The following VWF variants were observed in gnomAD, a reference collection of about 807,000 sequenced individuals.
VWF encodes the protein von Willebrand factor.
Under a neutral mutation model 308.6 loss-of-function variants are expected in VWF, and 176 were observed. The observed-to-expected ratio is 0.57, with a 90% CI of 0.50 to 0.65. The LOEUF (loss-of-function observed/expected upper bound fraction) is 0.65. VWF is among the 30% of genes least tolerant of loss of function. The pLI is 0.00. For missense variants in VWF, 3,146 were observed against 3,648.2 expected, an observed-to-expected ratio of 0.86 and a Z score of 3.55; for synonymous variants, 1,385 against 1,443.4, an observed-to-expected ratio of 0.96 and a Z score of 0.92.
rs1346897793 is a variant in VWF at position 6,063,060 on chromosome 12, A to G, written c.1433-6T>C. ...ATGCTGGATGCGGAGGTCACCTGGAACCCAGCAGGACAGGACTCAGGCAGA... is the reference window on the plus strand; with the variant it reads ...ATGCTGGATGCGGAGGTCACCTGGAGCCCAGCAGGACAGGACTCAGGCAGA... On this transcript the variant is annotated splice_region_variant and splice_polypyrimidine_tract_variant and intron_variant, in intron 12 of 51. Transcript: ENST00000261405. This position sits in a 1 kb window ranked among gnomAD's most constrained non-coding sequence, Gnocchi z 4.9. 1.2e-6 allele frequency: 2 copies of G among 1,612,408 alleles called. No individual in the cohort carries two copies. Among genetic ancestry groups the G allele is most frequent in the African/African-American group, 2.7e-5 (2 of 75,000 alleles).
In VWF at chr12:6,067,149, G is replaced by A. The variant is rs146009639; in HGVS notation, c.1157-1876C>T. 5.9e-5 allele frequency among the ~76,000 whole-genome samples: 9 copies of A among 152,336 alleles called. No homozygotes were observed. The East Asian group carries it at 1.2e-3, about 20-fold the overall frequency. Reference sequence around the variant, plus strand: ...GAGCAGGCCACAAGATAGGGGCCAGGATCGTCCCAGCCCATTCTGGATGTG... The same window carrying A: ...GAGCAGGCCACAAGATAGGGGCCAGAATCGTCCCAGCCCATTCTGGATGTG... On this transcript the variant is annotated intron_variant, in intron 10 of 51. Coordinates refer to ENST00000261405, the MANE Select transcript of VWF (RefSeq NM_000552.5).
chr12:6,099,906 C>A (rs1310729899), intron 5 of VWF, among the ~76,000 whole-genome samples: 4 of 151,976 alleles, frequency 2.6e-5, no homozygotes, highest in Non-Finnish European at 5.9e-5. Flanking sequence ...TCTAATTAAA[C>A]TAAAGAGCTT....
At chr12:5,963,238 GTATC>G (rs1486570534) in intron 47 of VWF, among the ~76,000 whole-genome samples, 1 of 152,128 alleles carries the variant, frequency 6.6e-6, no homozygotes, top group African/African-American at 2.4e-5. Flanking sequence ...TAAAGGACTA[GTATC>G]CAAAATACAG....
chr12:6,073,524 A>G, intron 8 of VWF, 95 bp downstream of exon 8: 2 of 1,564,666 alleles, frequency 1.3e-6, no homozygotes, highest in African/African-American at 1.4e-5. Context: ...GATTTCAGCA[A>G]CGGGGAGCAA....
At chr12:5,964,477 G>A (rs891646781) in intron 47 of VWF, among the ~76,000 whole-genome samples, 2 of 152,276 alleles carry the variant, frequency 1.3e-5, no homozygotes, top group South Asian at 2.1e-4. Context: ...TTAGCTTTGT[G>A]AGAAACCAAC....
chr12:5,970,398 G>A (rs751969649), intron 44 of VWF, among the ~76,000 whole-genome samples: 5 of 152,162 alleles, frequency 3.3e-5, no homozygotes, highest in Non-Finnish European at 7.3e-5. Context: ...GCAGGGTGGG[G>A]TAGGCCTTGA....
intron 6 of VWF, among the ~76,000 whole-genome samples, chr12:6,078,730 G>C (rs532336180): frequency 6.6e-6 from 1 of 152,242 alleles, no homozygotes. Context: ...GCAGGACACA[G>C]TACCAGCCAA....
chr12:6,054,919 C>T (rs1944559637), intron 15 of VWF, among the ~76,000 whole-genome samples: 1 of 152,180 alleles, frequency 6.6e-6, no homozygotes, highest in South Asian at 2.1e-4. Flanking sequence ...GGCAAGAACC[C>T]AGGAGACTTA....
chr12:6,007,018 T>C (rs1943936552), intron 34 of VWF, among the ~76,000 whole-genome samples: 1 of 152,172 alleles, frequency 6.6e-6, no homozygotes, highest in African/African-American at 2.4e-5. Context: ...TAGTGATAAA[T>C]GCATCAATTC....
At chr12:5,957,213 T>C (rs1484513574) in intron 47 of VWF, among the ~76,000 whole-genome samples, 1 of 152,180 alleles carries the variant, frequency 6.6e-6, no homozygotes, top group Non-Finnish European at 1.5e-5. Context: ...ACCATCTGGA[T>C]TTGCGTATGT....
chr12:5,983,588 G>C, intron 40 of VWF, among the ~76,000 whole-genome samples: 1 of 149,568 alleles, frequency 6.7e-6, no homozygotes, highest in East Asian at 2.1e-4. Context: ...CTTAGAGAGA[G>C]ATAGGATAGA....
Position 6,121,351 on chromosome 12 carries a change from G to A in VWF, c.56-13C>T. 6.2e-7 allele frequency: 1 copy of A among 1,613,424 alleles called. No homozygotes were observed. The highest frequency in any genetic ancestry group is 1.1e-5 in the South Asian group (1 of 90,894). ...GCACAAAGGGTCCCTGGAGGGAGAG[G>A]CCACAGGTTGGGCTGGTGATCTCAG... On this transcript the variant is annotated splice_polypyrimidine_tract_variant and intron_variant, in intron 2 of 51. Coordinates refer to ENST00000261405, the MANE Select transcript of VWF (RefSeq NM_000552.5).
chr12:6,120,435 T>G (rs1474440156), intron 3 of VWF, among the ~76,000 whole-genome samples: 1 of 151,988 alleles, frequency 6.6e-6, no homozygotes, highest in African/African-American at 2.4e-5. Flanking sequence ...CCCAAGTAGC[T>G]GGGATTATAG....
intron 5 of VWF, among the ~76,000 whole-genome samples, chr12:6,096,933 A>G (rs972165289): frequency 3.3e-5 from 5 of 152,232 alleles, no homozygotes; most frequent in Non-Finnish European, 7.3e-5. Context: ...AATATAAATG[A>G]GACCTTGGAA....
At chr12:5,961,549 A>G (rs1188379134) in intron 47 of VWF, among the ~76,000 whole-genome samples, 1 of 151,304 alleles carries the variant, frequency 6.6e-6, no homozygotes, top group Non-Finnish European at 1.5e-5. Context: ...TGAAGGTGTC[A>G]TAACTGCTTA....
At chr12:6,092,520 T>C (rs1374890687) in intron 6 of VWF, among the ~76,000 whole-genome samples, 1 of 77,426 alleles carries the variant, frequency 1.3e-5, no homozygotes, top group East Asian at 5.4e-4. Context: ...TGTGTTTGTC[T>C]GTGTGTGTGT....
At position 6,077,085 on chromosome 12, in the gene VWF, G is replaced by A. The variant is rs928186506; in HGVS notation, c.658-1534C>T. Among the ~76,000 whole-genome samples, 8 of 152,290 alleles carry A rather than the reference G, an allele frequency of 5.3e-5. No individual in the cohort carries two copies. In the East Asian group the frequency reaches 5.8e-4, roughly 11 times the overall value. ...AGCACTTTGGGAGGCCAAGTCGGGC[G>A]GATCACTTGAGATCAGGAATTTGAA... On this transcript the variant is annotated intron_variant, in intron 6 of 51. Coordinates refer to ENST00000261405, the MANE Select transcript of VWF (RefSeq NM_000552.5).
intron 43 of VWF, 119 bp from the exon 44 acceptor site, chr12:5,971,828 T>C: frequency 1.1e-6 from 1 of 877,274 alleles, no homozygotes; most frequent in South Asian, 1.4e-5. Flanking sequence ...GGTCTGGGCA[T>C]TTTCATCTTT....
rs2070884 is a variant in VWF, at chr12:5,985,224, C to T, written c.6902-105G>A. On this transcript the variant is annotated intron_variant, in intron 39 of 51. Coordinates refer to ENST00000261405, the MANE Select transcript of VWF (RefSeq NM_000552.5). The stretch of plus-strand genomic sequence containing the variant: ...ACTGAAAACTAGTAGGAGTTCTGTA[C>T]GGTCATCCCACAAGGATCCAGGCCA... 103,913 of 1,196,208 alleles carry T rather than the reference C, an allele frequency of 0.087. 5,347 individuals carry two copies. The highest frequency in any genetic ancestry group is 0.22 in the East Asian group (9,219 of 41,930). 74.1% of individuals were successfully genotyped at this position (1,196,208 alleles called of 1,614,324 possible).
Sources: allele counts gnomAD v4.1 joint callset (sites outside exome capture counted in the v4.1 genomes callset), GRCh38; gene constraint gnomAD v4.1.1; non-coding constraint Gnocchi (gnomAD v3.1); transcripts MANE v1.5; gene names NCBI Gene and HGNC (gene_info 2026-07-23, HGNC 2026-07-21).